Variants in MYH14 observed in about 807,000 individuals in gnomAD.
MYH14 encodes myosin-14.
Under a neutral mutation model 255.5 loss-of-function variants are expected in MYH14, and 123 were observed. The ratio of observed to expected loss-of-function variants is 0.48; its 90% confidence interval spans 0.42 to 0.56. The LOEUF is 0.56. Among genes scored for constraint, MYH14 ranks in the 20% least tolerant of loss-of-function variants. The pLI, the probability that MYH14 is intolerant of heterozygous loss-of-function variation, is 0.00. For missense variants in MYH14, 2,423 were observed against 2,802.3 expected, an observed-to-expected ratio of 0.86 and a Z score of 3.06; for synonymous variants, 1,095 against 1,161.2, an observed-to-expected ratio of 0.94 and a Z score of 1.16.
chr19:50,249,818 C>A lies in MYH14; in HGVS notation c.1651C>A (p.Arg551=). The A allele has an allele frequency of 6.2e-7, 1 of 1,614,152 alleles. No homozygotes were observed. The highest frequency in any genetic ancestry group is 8.5e-7 in the Non-Finnish European group (1 of 1,180,000). ...DLQPCIDLIE[R]PANPPGLLAL... ...GCAGCCCTGCATCGACCTCATCGAG[C>A]GGCCGGTGAGCCCCAGGCCCCTCCC... The change falls in exon 14 of 43, where the codon CGG becomes AGG. Residue 551 remains arginine, a synonymous_variant. Transcript: ENST00000642316.
At chr19:50,253,698 G>A (rs1424517421) in intron 16 of MYH14, among the ~76,000 whole-genome samples, 1 of 152,142 alleles carries the variant, frequency 6.6e-6, no homozygotes, top group African/African-American at 2.4e-5. Context: ...AGGCAGAGAT[G>A]CCAAATGCCC....
rs1398696105 is a variant in MYH14 at position 50,286,572 on chromosome 19, C to T, written c.4630C>T (p.Leu1544=). ...AEGREREARA[L]SLTRALEEEQ... The stretch of plus-strand genomic sequence containing the variant: ...GGGCCGGGAGCGTGAGGCTCGGGCC[C>T]TGTCACTGACACGGGCACTGGAGGA... The change falls in exon 34 of 43, where the codon CTG becomes TTG. Residue 1544 remains leucine, a synonymous_variant. Transcript: ENST00000642316. The T allele has an allele frequency of 1.2e-6, 2 of 1,610,018 alleles. No homozygotes were observed. The highest frequency in any genetic ancestry group is 1.3e-5 in the African/African-American group (1 of 74,924).
chr19:50,222,981 C>A lies in MYH14; in HGVS notation c.563-102C>A, dbSNP rs188074741. On this transcript the variant is annotated intron_variant, in intron 3 of 42. Transcript: ENST00000642316. ...ATCAAGACCCAAGCTTTTCCTTACT[C>A]CCTGGGAATAATTTTTAAAATGCAG... The A allele has an allele frequency of 1.3e-4, 146 of 1,167,604 alleles. No homozygotes were observed. In the East Asian group the frequency reaches 3.2e-3, roughly 25 times the overall value. The allele number at this position is 1,167,604 out of a possible 1,614,324, so 72.3% of individuals were successfully genotyped here.
intron 29 of MYH14, among the ~76,000 whole-genome samples, chr19:50,277,778 G>A (rs939069554): frequency 6.6e-6 from 1 of 152,072 alleles, no homozygotes; most frequent in Non-Finnish European, 1.5e-5. Context: ...TTAGCCGGGC[G>A]TGGTGGTGGG....
Position 50,280,611 on chromosome 19 carries a change from A to C in MYH14, c.4290+228A>C, listed in dbSNP as rs1269217923. ...CTTGTCCCAGCTCCAGCTCAGCCCCAGCTCCAGTGCCGTCCTCTCCCATCT... is the reference window on the plus strand; with the variant it reads ...CTTGTCCCAGCTCCAGCTCAGCCCCCGCTCCAGTGCCGTCCTCTCCCATCT... On this transcript the variant is annotated intron_variant, in intron 32 of 42. Transcript: ENST00000642316. This position sits in a 1 kb window ranked among gnomAD's most constrained non-coding sequence, Gnocchi z 4.8. Among the ~76,000 whole-genome samples the C allele has an allele frequency of 6.6e-6, 1 of 151,750 alleles. No homozygotes were observed. Among genetic ancestry groups the C allele is most frequent in the African/African-American group, 2.4e-5 (1 of 41,274 alleles).
Position 50,286,479 on chromosome 19 carries a change from A to C in MYH14, c.4540-3A>C. On this transcript the variant is annotated splice_region_variant and splice_polypyrimidine_tract_variant and intron_variant, in intron 33 of 42. Coordinates refer to ENST00000642316, the MANE Select transcript of MYH14 (RefSeq NM_001145809.2). ...CCCTACCCCATCTCCCTCAAACTGG[A>C]AGCTTCTGGCAGAGGAGAAGGCAGC... 4 of 1,610,628 alleles carry C rather than the reference A, an allele frequency of 2.5e-6. No homozygotes were observed. Among genetic ancestry groups the C allele is most frequent in the Non-Finnish European group, 3.4e-6 (4 of 1,177,694 alleles).
chr19:50,256,076 G>A (rs1476904284), intron 17 of MYH14, among the ~76,000 whole-genome samples: 5 of 151,776 alleles, frequency 3.3e-5, no homozygotes, highest in Non-Finnish European at 7.4e-5. Context: ...ACAAGAGTTT[G>A]AGATTAGCCT....
chr19:50,304,527 T>C (rs1006158126), intron 40 of MYH14, among the ~76,000 whole-genome samples: 1 of 150,926 alleles, frequency 6.6e-6, no homozygotes, highest in Admixed American at 6.6e-5. Context: ...GAAGTGGAGG[T>C]TGCAGTGAGC....
In MYH14 at chr19:50,280,187, G is replaced by C. The variant is rs2123419369; in HGVS notation, c.4138-44G>C. 1 of 1,557,640 alleles carries C rather than the reference G, an allele frequency of 6.4e-7. No homozygotes were observed. ...GCTCCACCGTCACCCTCCCCTCCTT[G>C]TCCTCCCAGCCACACCTGACATTGC... is the stretch of plus-strand genomic sequence containing the variant. On this transcript the variant is annotated intron_variant, in intron 31 of 42. Coordinates refer to ENST00000642316, the MANE Select transcript of MYH14 (RefSeq NM_001145809.2). This position sits in a 1 kb window ranked among gnomAD's most constrained non-coding sequence, Gnocchi z 4.8.
At chr19:50,309,418 C>G in intron 42 of MYH14, 1 of 613,924 alleles carries the variant, frequency 1.6e-6, no homozygotes, top group Non-Finnish European at 2.9e-6. Flanking sequence ...CCACCTTTCT[C>G]TCCTTTCCTC....
At chr19:50,263,804 C>G (rs1258224994) in intron 22 of MYH14, among the ~76,000 whole-genome samples, 1 of 152,024 alleles carries the variant, frequency 6.6e-6, no homozygotes, top group Non-Finnish European at 1.5e-5. Flanking sequence ...CACCTGTAAT[C>G]CCAGCAGTGT....
chr19:50,309,824 G>A lies in MYH14; in HGVS notation c.*34G>A. The A allele has an allele frequency of 6.4e-7, 1 of 1,554,838 alleles. No individual in the cohort carries two copies. The highest frequency in any genetic ancestry group is 8.7e-7 in the Non-Finnish European group (1 of 1,147,660). ...TGTCCCCAGATGCACTAACAGATGG[G>A]GCCCAGCCCCCTTCCTCCCTGGACC... is the stretch of plus-strand genomic sequence containing the variant. On this transcript the variant is annotated 3_prime_UTR_variant, in exon 43 of 43. Coordinates refer to ENST00000642316, the MANE Select transcript of MYH14 (RefSeq NM_001145809.2).
chr19:50,219,337 T>G (rs2032685778), intron 3 of MYH14, among the ~76,000 whole-genome samples: 1 of 151,862 alleles, frequency 6.6e-6, no homozygotes, highest in South Asian at 2.1e-4. Context: ...TATATCTACT[T>G]TTGGTTCTTT....
At chr19:50,254,868 G>A (rs1339901165) in intron 16 of MYH14, among the ~76,000 whole-genome samples, 1 of 152,158 alleles carries the variant, frequency 6.6e-6, no homozygotes. Context: ...AAGTGGCCTG[G>A]GAGCATCAAG....
chr19:50,237,959 C>T (rs1331744837), intron 10 of MYH14, among the ~76,000 whole-genome samples: 2 of 151,810 alleles, frequency 1.3e-5, no homozygotes, highest in African/African-American at 4.8e-5. Context: ...ACGTCTGACC[C>T]CAAAGCCAGC....
At position 50,276,814 on chromosome 19, in the gene MYH14, C is replaced by T. The variant is rs1198821775; in HGVS notation, c.3738C>T (p.Arg1246=). The T allele has an allele frequency of 6.2e-7, 1 of 1,613,116 alleles. No individual in the cohort carries two copies. The highest frequency in any genetic ancestry group is 8.5e-7 in the Non-Finnish European group (1 of 1,179,834). The part of the protein sequence containing the change: ...ELKKTLEEET[R]IHEAAVQELR... ...AGAAGACTCTGGAGGAGGAGACTCG[C>T]ATCCACGAGGCGGCAGTGCAGGAGC... Residue 1246 remains arginine (R), a synonymous_variant, in exon 29 of 43, where the codon CGC becomes CGT. Coordinates refer to ENST00000642316, the MANE Select transcript of MYH14 (RefSeq NM_001145809.2). This position sits in a 1 kb window ranked among gnomAD's most constrained non-coding sequence, Gnocchi z 4.3.
intron 2 of MYH14, among the ~76,000 whole-genome samples, chr19:50,214,044 C>G (rs2032341682): frequency 6.6e-6 from 1 of 152,144 alleles, no homozygotes; most frequent in African/African-American, 2.4e-5. Flanking sequence ...AGGCTAGTCT[C>G]AAACTCCTGG....
intron 41 of MYH14, 63 bp downstream of exon 41, chr19:50,307,220 G>A: frequency 9.5e-7 from 1 of 1,047,502 alleles, no homozygotes; most frequent in Non-Finnish European, 1.4e-6. Context: ...AAATTGCACA[G>A]GCTGTCTCCA....
At position 50,293,542 on chromosome 19, in the gene MYH14, C is replaced by T. The variant is rs2036160038; in HGVS notation, c.5346-22C>T. 2 of 1,611,652 alleles carry T rather than the reference C, an allele frequency of 1.2e-6. No homozygotes were observed. Among genetic ancestry groups the T allele is most frequent in the African/African-American group, 2.7e-5 (2 of 74,828 alleles). On this transcript the variant is annotated intron_variant, in intron 38 of 42. Coordinates refer to ENST00000642316, the MANE Select transcript of MYH14 (RefSeq NM_001145809.2). This position sits in a 1 kb window ranked among gnomAD's most constrained non-coding sequence, Gnocchi z 4.1. The stretch of plus-strand genomic sequence containing the variant: ...CTCTGACCATCCTGTCCTTTCATCC[C>T]CACGCCTTCCTGTCTCCCTAGGGCA...
Sources: allele counts gnomAD v4.1 joint callset (sites outside exome capture counted in the v4.1 genomes callset), GRCh38; gene constraint gnomAD v4.1.1; non-coding constraint Gnocchi (gnomAD v3.1); transcripts MANE v1.5; gene names NCBI Gene and HGNC (gene_info 2026-07-23, HGNC 2026-07-21).